The following SNTG1 variants were observed in gnomAD, a reference collection of about 807,000 sequenced individuals.
The protein encoded by SNTG1 is gamma-1-syntrophin.
SNTG1 carries 39 observed loss-of-function variants against 74.7 expected under a neutral mutation model. That is an observed-to-expected ratio of 0.52 (90% CI 0.40 to 0.68). SNTG1 has a LOEUF of 0.68. SNTG1 is among the 30% of genes least tolerant of loss of function. The pLI is 0.00. For missense variants in SNTG1, 685 were observed against 609.5 expected (o/e 1.12, Z -1.30); for synonymous variants, 254 against 217.1 (o/e 1.17, Z -1.49).
rs147499844 is a variant in SNTG1, at chr8:50,621,088, G to A, written c.849+30171G>A. ...CTTTTTTTTTTTTTTTTGAGATGTGGTTAGAGTTTTACATTCTATACCATT... is the reference window on the plus strand; with the variant it reads ...CTTTTTTTTTTTTTTTTGAGATGTGATTAGAGTTTTACATTCTATACCATT... On this transcript the variant is annotated intron_variant, in intron 13 of 18. Transcript: ENST00000642720. Among the ~76,000 whole-genome samples the A allele has an allele frequency of 7.9e-3, 1,178 of 149,240 alleles. 11 individuals carry two copies. Among genetic ancestry groups the A allele is most frequent in the African/African-American group, 0.027 (1,080 of 40,586 alleles).
chr8:50,277,144 G>A (rs933762523), intron 2 of SNTG1, among the ~76,000 whole-genome samples: 25 of 151,582 alleles, frequency 1.6e-4, no homozygotes, highest in African/African-American at 5.8e-4. Flanking sequence ...GTGCATTTTT[G>A]TAGTTCCAGC....
At chr8:49,973,956 T>C (rs1484321968) in intron 1 of SNTG1, among the ~76,000 whole-genome samples, 1 of 152,214 alleles carries the variant, frequency 6.6e-6, no homozygotes, top group Non-Finnish European at 1.5e-5. Flanking sequence ...TTAGTGGAAA[T>C]CATATAAATA....
chr8:50,404,913 A>G (rs1563341637), intron 4 of SNTG1, among the ~76,000 whole-genome samples: 1 of 152,084 alleles, frequency 6.6e-6, no homozygotes, highest in Non-Finnish European at 1.5e-5. Flanking sequence ...ATATCTGACC[A>G]TTTGTGGATG....
chr8:50,208,513 C>G (rs1354912277), intron 2 of SNTG1, among the ~76,000 whole-genome samples: 1 of 152,066 alleles, frequency 6.6e-6, no homozygotes, highest in East Asian at 1.9e-4. Flanking sequence ...ACTGTTTATC[C>G]AATTTACCAT....
In SNTG1 at chr8:50,000,170, C is replaced by T. The variant is rs887439052; in HGVS notation, c.-103+87939C>T. Among the ~76,000 whole-genome samples the T allele has an allele frequency of 2.0e-5, 3 of 152,226 alleles. No homozygotes were observed. In the East Asian group the frequency reaches 5.8e-4, roughly 29 times the overall value. ...ATCTTTTCATACTGCAAGTTCCTGCCATATGATCTGCTTCTGTTTTTCCTG... is the reference window on the plus strand; with the variant it reads ...ATCTTTTCATACTGCAAGTTCCTGCTATATGATCTGCTTCTGTTTTTCCTG... On this transcript the variant is annotated intron_variant, in intron 1 of 18. Transcript: ENST00000642720.
At chr8:50,390,102 T>G (rs1362674526) in intron 2 of SNTG1, among the ~76,000 whole-genome samples, 9 of 151,454 alleles carry the variant, frequency 5.9e-5, no homozygotes, top group Non-Finnish European at 3.0e-5. Context: ...ATCCCATTTG[T>G]CAATTTTGGC....
intron 2 of SNTG1, among the ~76,000 whole-genome samples, chr8:50,210,561 G>A (rs1373297194): frequency 3.3e-5 from 5 of 152,144 alleles, no homozygotes; most frequent in Non-Finnish European, 7.3e-5. Flanking sequence ...AGAAGAGAGT[G>A]GGAGCCAATA....
At chr8:50,679,617 C>T (rs1180533560) in intron 15 of SNTG1, among the ~76,000 whole-genome samples, 4 of 152,092 alleles carry the variant, frequency 2.6e-5, no homozygotes, top group African/African-American at 7.2e-5. Flanking sequence ...TATCCAGTGT[C>T]ATTCTCACTT....
At chr8:50,709,082 T>C in intron 17 of SNTG1, 104 bp downstream of exon 17, 1 of 869,680 alleles carries the variant, frequency 1.1e-6, no homozygotes, top group South Asian at 1.6e-5. Flanking sequence ...TGTAATCGTG[T>C]CAAATTTAAG....
intron 8 of SNTG1, among the ~76,000 whole-genome samples, chr8:50,461,435 T>C (rs1004752004): frequency 6.6e-6 from 1 of 152,178 alleles, no homozygotes; most frequent in Non-Finnish European, 1.5e-5. Flanking sequence ...AATTATGCAG[T>C]TGAAAACTGT....
chr8:50,032,176 A>G (rs914630409), intron 1 of SNTG1, among the ~76,000 whole-genome samples: 1 of 151,762 alleles, frequency 6.6e-6, no homozygotes, highest in Admixed American at 6.6e-5. Flanking sequence ...TATCTTCTCA[A>G]TTCGTTTTTT....
intron 3 of SNTG1, among the ~76,000 whole-genome samples, chr8:50,396,429 A>G (rs916748458): frequency 1.3e-5 from 2 of 152,226 alleles, no homozygotes; most frequent in African/African-American, 4.8e-5. Context: ...AATAATGGCT[A>G]GAATTTAGTT....
chr8:50,462,611 C>G (rs2093573781), intron 8 of SNTG1, among the ~76,000 whole-genome samples: 2 of 152,168 alleles, frequency 1.3e-5, no homozygotes, highest in African/African-American at 2.4e-5. Flanking sequence ...ACTGCTTTAT[C>G]AACTAAGTTT....
intron 4 of SNTG1, among the ~76,000 whole-genome samples, chr8:50,426,201 C>G (rs10808829): frequency 0.8 from 121,356 of 152,004 alleles, 48,959 homozygotes; most frequent in Non-Finnish European, 0.86. Context: ...AGGATCGCAT[C>G]CAGGACACCT....
chr8:50,360,841 G>A (rs564952581), intron 2 of SNTG1, among the ~76,000 whole-genome samples: 4 of 152,282 alleles, frequency 2.6e-5, no homozygotes, highest in South Asian at 4.1e-4. Flanking sequence ...AGAAGTTGCT[G>A]TGCACGAGTC....
At chr8:49,948,834 C>T (rs1280245706) in intron 1 of SNTG1, among the ~76,000 whole-genome samples, 2 of 152,168 alleles carry the variant, frequency 1.3e-5, no homozygotes, top group Non-Finnish European at 2.9e-5. Context: ...AGCGGTTCTC[C>T]CCTGAGCTGC....
At chr8:50,409,145 G>A (rs1487045405) in intron 4 of SNTG1, among the ~76,000 whole-genome samples, 1 of 152,154 alleles carries the variant, frequency 6.6e-6, no homozygotes, top group East Asian at 1.9e-4. Context: ...GCTTCAGGAG[G>A]TGACGCAGAG....
chr8:50,296,119 C>T (rs1371305530), intron 2 of SNTG1, among the ~76,000 whole-genome samples: 1 of 152,068 alleles, frequency 6.6e-6, no homozygotes, highest in Admixed American at 6.6e-5. Context: ...ACACCATGTT[C>T]TGCATTTTAA....
intron 2 of SNTG1, among the ~76,000 whole-genome samples, chr8:50,297,502 CCT>C (rs1226635044): frequency 6.6e-6 from 1 of 152,086 alleles, no homozygotes; most frequent in Non-Finnish European, 1.5e-5. Flanking sequence ...GCATATCTGG[CCT>C]CTCTACTTTT....
Sources: allele counts gnomAD v4.1 joint callset (sites outside exome capture counted in the v4.1 genomes callset), GRCh38; gene constraint gnomAD v4.1.1; transcripts MANE v1.5; gene names NCBI Gene and HGNC (gene_info 2026-07-23, HGNC 2026-07-21).